The following FBXW10B variants were observed in gnomAD, a reference collection of about 807,000 sequenced individuals.
The protein encoded by FBXW10B is F-box and WD repeat domain containing 10B.
At chr17:15,612,713 C>T in the FBXW10B span, 1 of 1,614,084 alleles carries the variant, frequency 6.2e-7, no homozygotes, top group Non-Finnish European at 8.5e-7. Context: ...TCGTTCTCAA[C>T]TTCCACTTCG....
chr17:15,589,437 C>T, the FBXW10B span, among the ~76,000 whole-genome samples: 1 of 151,810 alleles, frequency 6.6e-6, no homozygotes, highest in African/African-American at 2.4e-5. Context: ...GGAGAAGGTA[C>T]CTGGAGCTGG....
chr17:15,605,691 C>T, the FBXW10B span, among the ~76,000 whole-genome samples: 2 of 152,152 alleles, frequency 1.3e-5, no homozygotes, highest in African/African-American at 2.4e-5. Context: ...TATGCTAAAT[C>T]CCCAAGAGAG....
the FBXW10B span, chr17:15,618,825 C>A: frequency 2.0e-6 from 2 of 984,510 alleles, no homozygotes; most frequent in Non-Finnish European, 2.4e-6. Flanking sequence ...TACACTCAGT[C>A]ATTTCTCCTT....
At chr17:15,568,189 C>T in the FBXW10B span, among the ~76,000 whole-genome samples, 5 of 152,188 alleles carry the variant, frequency 3.3e-5, no homozygotes, top group Non-Finnish European at 5.9e-5. Flanking sequence ...AACACACGTG[C>T]ATTAAAAGGA....
At chr17:15,612,784 T>C in the FBXW10B span, 1 of 1,614,024 alleles carries the variant, frequency 6.2e-7, no homozygotes, top group Non-Finnish European at 8.5e-7. Context: ...ATAGAAACCT[T>C]ATTGGCATAA....
the FBXW10B span, chr17:15,594,733 T>C: frequency 6.2e-7 from 1 of 1,613,462 alleles, no homozygotes; most frequent in Non-Finnish European, 8.5e-7. Context: ...CGCTCCGGGC[T>C]TCACAGGCAC....
the FBXW10B span, among the ~76,000 whole-genome samples, chr17:15,579,257 T>C: frequency 6.6e-6 from 1 of 152,210 alleles, no homozygotes; most frequent in Non-Finnish European, 1.5e-5. Flanking sequence ...ATTCTTTGCA[T>C]TTCTTTTAAA....
chr17:15,618,884 A>G, the FBXW10B span: 8 of 1,516,968 alleles, frequency 5.3e-6, no homozygotes, highest in Middle Eastern at 4.1e-4. Context: ...CAAAAAACCT[A>G]TGCTGCATTC....
the FBXW10B span, among the ~76,000 whole-genome samples, chr17:15,586,077 T>A: frequency 6.6e-6 from 1 of 151,782 alleles, no homozygotes; most frequent in African/African-American, 2.4e-5. Context: ...GAAAGTTAGC[T>A]CAACTTTAAT....
the FBXW10B span, chr17:15,598,636 C>T: frequency 4.7e-5 from 75 of 1,612,410 alleles, no homozygotes; most frequent in Non-Finnish European, 6.3e-5. Flanking sequence ...GCAAACCCCA[C>T]TTTTCAGATC....
the FBXW10B span, chr17:15,598,515 A>T: frequency 3.1e-6 from 5 of 1,613,746 alleles, no homozygotes; most frequent in Non-Finnish European, 4.2e-6. Context: ...AGAAAATTTA[A>T]GGCACTTCTT....
chr17:15,597,582 A>G, the FBXW10B span, among the ~76,000 whole-genome samples: 1 of 152,038 alleles, frequency 6.6e-6, no homozygotes, highest in East Asian at 1.9e-4. Flanking sequence ...GCAGTGAGCC[A>G]AGATTGTGCC....
chr17:15,607,589 C>A, the FBXW10B span: 7 of 1,613,440 alleles, frequency 4.3e-6, no homozygotes, highest in Middle Eastern at 3.3e-4. Context: ...AGAGAGAATG[C>A]GAACATTGTA....
At chr17:15,608,930 T>C in the FBXW10B span, among the ~76,000 whole-genome samples, 1 of 152,044 alleles carries the variant, frequency 6.6e-6, no homozygotes, top group Non-Finnish European at 1.5e-5. Context: ...TTCATTTGCT[T>C]CCCAGTCTTT....
the FBXW10B span, among the ~76,000 whole-genome samples, chr17:15,603,947 G>T: frequency 7.1e-6 from 1 of 141,330 alleles, no homozygotes; most frequent in Non-Finnish European, 1.5e-5. Context: ...TGGTGTGGTG[G>T]CGGGCCCCTG....
the FBXW10B span, chr17:15,589,234 A>T: frequency 6.2e-7 from 1 of 1,613,866 alleles, no homozygotes; most frequent in Non-Finnish European, 8.5e-7. Context: ...AATTCTGTGG[A>T]TGCAGAGTAA....
chr17:15,586,300 G>C, the FBXW10B span, among the ~76,000 whole-genome samples: 1 of 151,556 alleles, frequency 6.6e-6, no homozygotes, highest in East Asian at 1.9e-4. Flanking sequence ...GCTGATTTGG[G>C]GGGGCATTGT....
At chr17:15,617,526 A>G in the FBXW10B span, among the ~76,000 whole-genome samples, 1 of 152,120 alleles carries the variant, frequency 6.6e-6, no homozygotes, top group African/African-American at 2.4e-5. Context: ...GTGACCCCCA[A>G]TGCTGGAAGT....
the FBXW10B span, among the ~76,000 whole-genome samples, chr17:15,597,586 T>C: frequency 6.6e-6 from 1 of 151,988 alleles, no homozygotes; most frequent in Non-Finnish European, 1.5e-5. Context: ...TGAGCCAAGA[T>C]TGTGCCACTG....
Sources: gnomAD v4.1 joint callset for allele counts (sites outside exome capture counted in the v4.1 genomes callset) on GRCh38, gnomAD v4.1.1 for gene constraint, MANE v1.5 for transcripts, NCBI Gene and HGNC (gene_info 2026-07-23, HGNC 2026-07-21) for gene names.